The following TEAD1 variants were observed in gnomAD, a reference collection of about 807,000 sequenced individuals.
TEAD1 encodes transcriptional enhancer factor TEF-1.
In TEAD1, 9 loss-of-function variants were observed where a neutral mutation model predicts 54.9. The observed-to-expected ratio is 0.16, with a 90% confidence interval of 0.10 to 0.29. TEAD1 has a LOEUF of 0.29. TEAD1 is among the 10% of genes least tolerant of loss of function. TEAD1 has a pLI of 1.00. For missense variants in TEAD1, 387 were observed against 535.9 expected, an observed-to-expected ratio of 0.72 and a Z score of 2.74; for synonymous variants, 200 against 187.8, an observed-to-expected ratio of 1.07 and a Z score of -0.53.
intron 2 of TEAD1, among the ~76,000 whole-genome samples, chr11:12,699,195 T>C (rs1025866244): frequency 6.6e-6 from 1 of 152,078 alleles, no homozygotes; most frequent in Admixed American, 6.5e-5. Context: ...ATTGGTTTCT[T>C]CATGGATCCA....
chr11:12,919,810 A>T (rs565067491), intron 10 of TEAD1, among the ~76,000 whole-genome samples: 3 of 152,158 alleles, frequency 2.0e-5, no homozygotes, highest in Non-Finnish European at 4.4e-5. Flanking sequence ...TTATATATGT[A>T]TGTATACAAC....
At chr11:12,811,597 G>C (rs530634787) in intron 3 of TEAD1, among the ~76,000 whole-genome samples, 4 of 152,336 alleles carry the variant, frequency 2.6e-5, no homozygotes, top group Admixed American at 1.3e-4. Flanking sequence ...TGCTAAGGCA[G>C]AACAAAAACA....
chr11:12,883,192 C>T (rs773002164), intron 9 of TEAD1, 67 bp downstream of exon 9: 7 of 1,609,644 alleles, frequency 4.3e-6, no homozygotes, highest in Non-Finnish European at 5.9e-6. Flanking sequence ...TACCTCCTTG[C>T]TTCTCTTTCT....
intron 2 of TEAD1, among the ~76,000 whole-genome samples, chr11:12,731,478 A>G (rs894808747): frequency 1.3e-5 from 2 of 152,122 alleles, no homozygotes; most frequent in African/African-American, 4.8e-5. Context: ...AATTAACCAT[A>G]TATTTGGGGA....
intron 3 of TEAD1, among the ~76,000 whole-genome samples, chr11:12,837,052 C>A (rs955261702): frequency 3.9e-5 from 6 of 152,112 alleles, no homozygotes; most frequent in African/African-American, 1.4e-4. Context: ...CTCATATATA[C>A]CCTAGTGTAT....
At chr11:12,682,582 C>T (rs1181069326) in intron 2 of TEAD1, among the ~76,000 whole-genome samples, 1 of 152,128 alleles carries the variant, frequency 6.6e-6, no homozygotes, top group Non-Finnish European at 1.5e-5. Flanking sequence ...GTGGATAAAC[C>T]ACCCTGTTGT....
intron 2 of TEAD1, among the ~76,000 whole-genome samples, chr11:12,710,565 CATTT>C (rs1943915446): frequency 6.6e-6 from 1 of 152,038 alleles, no homozygotes; most frequent in South Asian, 2.1e-4. Context: ...GCTGGTAATT[CATTT>C]ATTTAATAAA....
intron 2 of TEAD1, among the ~76,000 whole-genome samples, chr11:12,707,137 T>TC (rs1564913233): frequency 2.3e-5 from 3 of 127,716 alleles, no homozygotes; most frequent in African/African-American, 9.4e-5. Context: ...TTTTTTTTTT[T>TC]CAGAAGCATG....
intron 2 of TEAD1, among the ~76,000 whole-genome samples, chr11:12,686,291 A>G (rs1214294051): frequency 6.6e-6 from 1 of 152,164 alleles, no homozygotes; most frequent in Non-Finnish European, 1.5e-5. Context: ...GTGTCTTGGT[A>G]TTGAGCTCAT....
chr11:12,715,778 G>C (rs1054687257), intron 2 of TEAD1, among the ~76,000 whole-genome samples: 7 of 151,988 alleles, frequency 4.6e-5, no homozygotes, highest in African/African-American at 1.7e-4. Flanking sequence ...TTTCAGGTAA[G>C]CAATATTTGG....
chr11:12,924,391 A>C (rs889788348), intron 10 of TEAD1, among the ~76,000 whole-genome samples: 1 of 152,238 alleles, frequency 6.6e-6, no homozygotes, highest in Non-Finnish European at 1.5e-5. Context: ...GGTGCTTAAT[A>C]AAAATGTGTT....
In TEAD1 at chr11:12,932,416, G is replaced by C. The variant is rs572955130; in HGVS notation, c.1167+2090G>C. Among the ~76,000 whole-genome samples, 6 of 152,054 alleles carry C rather than the reference G, an allele frequency of 3.9e-5. No homozygotes were observed. The East Asian group carries it at 9.6e-4, about 24-fold the overall frequency. On this transcript the variant is annotated intron_variant, in intron 12 of 12. Coordinates refer to ENST00000527636, the MANE Select transcript of TEAD1 (RefSeq NM_021961.6). ...ATGAATGGCTTCCCTGCCTCTCTTGGGGGGGAGTCTTAGCTGTTTATTAAA... is the reference window on the plus strand; with the variant it reads ...ATGAATGGCTTCCCTGCCTCTCTTGCGGGGGAGTCTTAGCTGTTTATTAAA...
At chr11:12,829,908 G>T (rs1946737063) in intron 3 of TEAD1, among the ~76,000 whole-genome samples, 1 of 152,206 alleles carries the variant, frequency 6.6e-6, no homozygotes, top group African/African-American at 2.4e-5. Flanking sequence ...TACATGTATG[G>T]GTTGGGTAGG....
chr11:12,887,874 A>C (rs1054678416), intron 9 of TEAD1, among the ~76,000 whole-genome samples: 6 of 152,194 alleles, frequency 3.9e-5, no homozygotes, highest in Non-Finnish European at 8.8e-5. Flanking sequence ...AAAGGGCCCT[A>C]AGTAAGTTAA....
rs137916193 is a variant in TEAD1, at chr11:12,690,777, C to G, written c.-55+15216C>G. Among the ~76,000 whole-genome samples the G allele has an allele frequency of 3.0e-3, 459 of 152,266 alleles. 1 individual carries two copies. The highest frequency in any genetic ancestry group is 0.01 in the African/African-American group (422 of 41,544). On this transcript the variant is annotated intron_variant, in intron 2 of 12. Transcript: ENST00000527636. ...GATACTCTAGTTCTGTTTTTGGAGA[C>G]AGGTCTCACTCACTGTGTCACCCAA... is the stretch of plus-strand genomic sequence containing the variant.
At chr11:12,894,249 A>T (rs1174348587) in intron 9 of TEAD1, among the ~76,000 whole-genome samples, 1 of 152,178 alleles carries the variant, frequency 6.6e-6, no homozygotes, top group African/African-American at 2.4e-5. Flanking sequence ...TTAGGAAAAG[A>T]CTGCCATCTT....
At chr11:12,923,446 C>A (rs531570513) in intron 10 of TEAD1, among the ~76,000 whole-genome samples, 8 of 152,152 alleles carry the variant, frequency 5.3e-5, no homozygotes, top group African/African-American at 1.9e-4. Context: ...TGCTTAGTTC[C>A]GTGTGGTATG....
At chr11:12,822,328 A>T (rs963229753) in intron 3 of TEAD1, 2 of 152,160 alleles carry the variant, frequency 1.3e-5, no homozygotes, top group East Asian at 3.9e-4. Context: ...TGAAATATAG[A>T]TCCTCCCTCA....
At chr11:12,929,434 GTT>G (rs34661541) in intron 11 of TEAD1, among the ~76,000 whole-genome samples, 43 of 147,294 alleles carry the variant, frequency 2.9e-4, no homozygotes, top group East Asian at 1.2e-3. Flanking sequence ...TGTGGTTTGG[GTT>G]TTTTTTTTTA....
Sources: gnomAD v4.1 joint callset for allele counts (sites outside exome capture counted in the v4.1 genomes callset) on GRCh38, gnomAD v4.1.1 for gene constraint, MANE v1.5 for transcripts, NCBI Gene and HGNC (gene_info 2026-07-23, HGNC 2026-07-21) for gene names.